Variants in MACROD2 observed in about 807,000 individuals in gnomAD.
The protein encoded by MACROD2 is ADP-ribose glycohydrolase MACROD2.
A neutral mutation model predicts 70.4 loss-of-function variants in MACROD2; 36 were observed. The observed-to-expected ratio is 0.51, with a 90% CI of 0.39 to 0.68. The LOEUF (loss-of-function observed/expected upper bound fraction) is 0.68. MACROD2 is among the 30% of genes least tolerant of loss of function. The pLI, the probability that MACROD2 is intolerant of heterozygous loss-of-function variation, is 0.00. For synonymous variants in MACROD2, 172 were observed against 178.8 expected (o/e 0.96, Z 0.30); for missense variants, 496 against 538.4 (o/e 0.92, Z 0.78).
intron 3 of MACROD2, among the ~76,000 whole-genome samples, chr20:14,277,289 A>G (rs1004071270): frequency 5.9e-5 from 9 of 152,166 alleles, no homozygotes; most frequent in Non-Finnish European, 8.8e-5. Flanking sequence ...CTCTACTAAA[A>G]ATACAAAAAT....
intron 3 of MACROD2, among the ~76,000 whole-genome samples, chr20:14,385,780 A>G (rs1010320891): frequency 3.3e-5 from 5 of 152,230 alleles, no homozygotes; most frequent in African/African-American, 1.2e-4. Flanking sequence ...CTTTTCAGCC[A>G]TCAATTTGAA....
At chr20:14,474,263 T>A (rs1367115185) in intron 3 of MACROD2, among the ~76,000 whole-genome samples, 1 of 152,128 alleles carries the variant, frequency 6.6e-6, no homozygotes, top group Non-Finnish European at 1.5e-5. Context: ...AATGTTATGT[T>A]ATGAAGTGTT....
intron 5 of MACROD2, among the ~76,000 whole-genome samples, chr20:14,870,294 G>C (rs1216075126): frequency 6.6e-6 from 1 of 152,074 alleles, no homozygotes; most frequent in African/African-American, 2.4e-5. Flanking sequence ...TTTCTTTATG[G>C]CTGCATAGTA....
chr20:15,381,865 G>T (rs1289765431), intron 6 of MACROD2, among the ~76,000 whole-genome samples: 1 of 152,118 alleles, frequency 6.6e-6, no homozygotes, highest in Non-Finnish European at 1.5e-5. Flanking sequence ...AAAGGAGGCT[G>T]CCCAGATGAG....
At chr20:14,971,204 T>C (rs2074687851) in intron 5 of MACROD2, among the ~76,000 whole-genome samples, 1 of 152,150 alleles carries the variant, frequency 6.6e-6, no homozygotes, top group African/African-American at 2.4e-5. Flanking sequence ...CAAGAACAGA[T>C]AGTCCATACA....
At chr20:14,709,618 T>TA (rs750216126) in intron 5 of MACROD2, among the ~76,000 whole-genome samples, 1 of 152,166 alleles carries the variant, frequency 6.6e-6, no homozygotes, top group Non-Finnish European at 1.5e-5. Flanking sequence ...TGACTGGCTG[T>TA]AGCAAGAGAT....
intron 5 of MACROD2, among the ~76,000 whole-genome samples, chr20:15,190,592 G>T (rs1197627734): frequency 6.6e-6 from 1 of 152,186 alleles, no homozygotes; most frequent in African/African-American, 2.4e-5. Context: ...GTATTATGAG[G>T]CCAACAGGTC....
At chr20:14,035,439 G>A (rs1314692838) in intron 2 of MACROD2, among the ~76,000 whole-genome samples, 2 of 152,190 alleles carry the variant, frequency 1.3e-5, no homozygotes, top group Non-Finnish European at 2.9e-5. Flanking sequence ...ATGTGGTCTT[G>A]TGCAAACAGT....
intron 5 of MACROD2, among the ~76,000 whole-genome samples, chr20:14,969,712 C>G (rs2074673070): frequency 6.6e-6 from 1 of 151,950 alleles, no homozygotes; most frequent in Admixed American, 6.6e-5. Flanking sequence ...GAATCTACAC[C>G]TTTTATTTTT....
At chr20:14,853,348 G>T (rs1303145090) in intron 5 of MACROD2, among the ~76,000 whole-genome samples, 1 of 152,080 alleles carries the variant, frequency 6.6e-6, no homozygotes, top group Admixed American at 6.5e-5. Context: ...AACAAAAGGG[G>T]TGCGGAAGAG....
At chr20:14,793,300 C>T (rs1307526924) in intron 5 of MACROD2, among the ~76,000 whole-genome samples, 1 of 151,930 alleles carries the variant, frequency 6.6e-6, no homozygotes, top group Non-Finnish European at 1.5e-5. Flanking sequence ...CAGTTCTTCT[C>T]AGCATCATGG....
At chr20:14,137,014 T>C (rs534122106) in intron 3 of MACROD2, among the ~76,000 whole-genome samples, 1 of 152,156 alleles carries the variant, frequency 6.6e-6, no homozygotes, top group African/African-American at 2.4e-5. Flanking sequence ...ATAGCTATTA[T>C]GCATTGAGAT....
intron 5 of MACROD2, among the ~76,000 whole-genome samples, chr20:15,143,617 T>C (rs1413404840): frequency 6.6e-6 from 1 of 151,886 alleles, no homozygotes; most frequent in East Asian, 1.9e-4. Context: ...TTTTTAATCT[T>C]GTTAAGTACT....
At chr20:15,031,523 T>C (rs1465771962) in intron 5 of MACROD2, among the ~76,000 whole-genome samples, 1 of 152,138 alleles carries the variant, frequency 6.6e-6, no homozygotes, top group African/African-American at 2.4e-5. Flanking sequence ...GTAGCACCTT[T>C]CCTCAGGCAG....
At chr20:15,425,493 T>C (rs2046285379) in intron 6 of MACROD2, among the ~76,000 whole-genome samples, 3 of 152,156 alleles carry the variant, frequency 2.0e-5, no homozygotes, top group African/African-American at 7.2e-5. Context: ...AACACTTAAA[T>C]GGAAGGTATA....
intron 6 of MACROD2, among the ~76,000 whole-genome samples, chr20:15,381,235 A>T (rs968394567): frequency 6.6e-6 from 1 of 151,940 alleles, no homozygotes; most frequent in Non-Finnish European, 1.5e-5. Flanking sequence ...TTTGTTAAAC[A>T]TTTACCAGCA....
chr20:15,381,087 A>T (rs1443101498), intron 6 of MACROD2, among the ~76,000 whole-genome samples: 1 of 152,202 alleles, frequency 6.6e-6, no homozygotes, highest in Non-Finnish European at 1.5e-5. Flanking sequence ...TATAAGAATT[A>T]ATTAACTATG....
intron 5 of MACROD2, among the ~76,000 whole-genome samples, chr20:14,902,646 G>C (rs1265245757): frequency 1.3e-5 from 2 of 152,092 alleles, no homozygotes; most frequent in African/African-American, 2.4e-5. Context: ...AAGAAGAGAG[G>C]CAGGGTGGTC....
At chr20:15,152,555 C>T (rs1301379492) in intron 5 of MACROD2, among the ~76,000 whole-genome samples, 1 of 130,628 alleles carries the variant, frequency 7.7e-6, no homozygotes, top group Non-Finnish European at 1.7e-5. Context: ...TGCCCCTCCC[C>T]TAGAAAAGTG....
Sources: allele counts gnomAD v4.1 joint callset (sites outside exome capture counted in the v4.1 genomes callset), GRCh38; gene constraint gnomAD v4.1.1; transcripts MANE v1.5; gene names NCBI Gene and HGNC (gene_info 2026-07-23, HGNC 2026-07-21).